The following TNRC6C variants were observed in gnomAD, a reference collection of about 807,000 sequenced individuals.
The protein encoded by TNRC6C is trinucleotide repeat-containing gene 6C protein.
In TNRC6C, 20 loss-of-function variants were observed where a neutral mutation model predicts 153.7. The observed-to-expected ratio is 0.13, with a 90% confidence interval of 0.09 to 0.19. The LOEUF (loss-of-function observed/expected upper bound fraction) is 0.19, where lower values mean the gene tolerates loss of function less well. Ranked by LOEUF, TNRC6C falls within the 10% of genes least tolerant of loss-of-function variation. The probability of loss-of-function intolerance (pLI) is 1.00; values close to 1 mark genes in which losing one functional copy is unlikely to be tolerated. For synonymous variants in TNRC6C, 811 were observed against 841.4 expected (o/e 0.96, Z 0.63); for missense variants, 1,987 against 2,172.0 (o/e 0.91, Z 1.69).
At chr17:78,077,127 T>C (rs970411684) in intron 8 of TNRC6C, 58 bp from the exon 11 acceptor site, 182 of 1,537,188 alleles carry the variant, frequency 1.2e-4, no homozygotes, top group Non-Finnish European at 1.6e-4. Flanking sequence ...GGAAACTGTT[T>C]GGTGCTTTGT....
intron 1 of TNRC6C, among the ~76,000 whole-genome samples, chr17:77,985,253 A>G (rs1303148351): frequency 6.6e-6 from 1 of 152,072 alleles, no homozygotes; most frequent in East Asian, 1.9e-4. Flanking sequence ...GGAGTTCTCA[A>G]TTCCTAGGCT....
rs58623832 is a variant in TNRC6C, at chr17:78,092,215, C to T, written c.3970+608C>T. Among the ~76,000 whole-genome samples the T allele has an allele frequency of 9.4e-3, 1,435 of 152,302 alleles. 24 individuals carry two copies. The highest frequency in any genetic ancestry group is 0.032 in the African/African-American group (1,331 of 41,552). On this transcript the variant is annotated intron_variant, in intron 14 of 19. Transcript: ENST00000301624. Reference sequence around the variant, plus strand: ...GAAATTCAGTAGGTTACGTAGTTCTCTCTTGATAGGAAGCATTCTAAAAAG... The same window carrying T: ...GAAATTCAGTAGGTTACGTAGTTCTTTCTTGATAGGAAGCATTCTAAAAAG...
chr17:78,031,267 A>G (rs2143718750), intron 1 of TNRC6C, among the ~76,000 whole-genome samples: 1 of 152,224 alleles, frequency 6.6e-6, no homozygotes, highest in Admixed American at 6.5e-5. Flanking sequence ...TCCAGTCTTA[A>G]TGTATCACCT....
chr17:78,069,490 C>T (rs1367804321), intron 5 of TNRC6C, among the ~76,000 whole-genome samples: 3 of 152,120 alleles, frequency 2.0e-5, no homozygotes, highest in Non-Finnish European at 4.4e-5. Flanking sequence ...CTCGAATTGT[C>T]CTCCTGCCTC....
At chr17:78,052,527 G>A (rs138882876) in intron 3 of TNRC6C, among the ~76,000 whole-genome samples, 1 of 152,356 alleles carries the variant, frequency 6.6e-6, no homozygotes, top group African/African-American at 2.4e-5. Flanking sequence ...CAGTGATGGT[G>A]CAGGGAGGAA....
In TNRC6C at chr17:78,081,379, T is replaced by A. The variant is rs557571165; in HGVS notation, c.3358-1668T>A. On this transcript the variant is annotated intron_variant, in intron 10 of 19. Coordinates refer to ENST00000301624, the Ensembl canonical transcript of TNRC6C. Reference sequence around the variant, plus strand: ...TGCATTGAGGGTAATTCTCGCTCTGTAATTGTTCAAACCCAGGTTTGTGCA... The same window carrying A: ...TGCATTGAGGGTAATTCTCGCTCTGAAATTGTTCAAACCCAGGTTTGTGCA... Among the ~76,000 whole-genome samples the A allele has an allele frequency of 1.8e-4, 27 of 152,310 alleles. No individual in the cohort carries two copies. In the East Asian group the frequency reaches 2.5e-3, roughly 14 times the overall value.
chr17:77,958,949 C>T (rs1340217745), upstream of TNRC6C, among the ~76,000 whole-genome samples: 8 of 146,080 alleles, frequency 5.5e-5, no homozygotes, highest in South Asian at 8.4e-4. Context: ...GCAGCTGCCA[C>T]CGCCGCCGCC....
chr17:78,108,567 AG>A (rs1567974982), exon 20 of TNRC6C: 2 of 155,140 alleles, frequency 1.3e-5, no homozygotes, highest in Admixed American at 1.3e-4. Context: ...GGCTTCATGG[AG>A]GAGGTGGCAT....
exon 20 of TNRC6C, chr17:78,106,066 A>C (rs545664130): frequency 6.6e-6 from 1 of 152,154 alleles, no homozygotes; most frequent in African/African-American, 2.4e-5. Context: ...AAAAAAAAAA[A>C]AAACTGTTGT....
At chr17:78,016,041 G>A (rs1479519177) in intron 1 of TNRC6C, among the ~76,000 whole-genome samples, 2 of 152,164 alleles carry the variant, frequency 1.3e-5, no homozygotes, top group African/African-American at 2.4e-5. Context: ...GACTGGGTGC[G>A]TATAAAATCA....
intron 1 of TNRC6C, among the ~76,000 whole-genome samples, chr17:77,961,971 G>A (rs2070866289): frequency 6.6e-6 from 1 of 152,150 alleles, no homozygotes; most frequent in African/African-American, 2.4e-5. Flanking sequence ...GCTGGAGTAG[G>A]ACAACCTTTC....
chr17:77,971,620 A>G (rs185792417), intron 1 of TNRC6C, among the ~76,000 whole-genome samples: 7 of 152,286 alleles, frequency 4.6e-5, no homozygotes, highest in Admixed American at 3.9e-4. Flanking sequence ...TCTGTCAAAC[A>G]TAGAACTAAT....
At chr17:78,045,165 A>G (rs959567623) in intron 2 of TNRC6C, among the ~76,000 whole-genome samples, 3 of 152,218 alleles carry the variant, frequency 2.0e-5, no homozygotes, top group African/African-American at 7.2e-5. Context: ...AGTAGGGGGC[A>G]TGGGAAGAGA....
intron 1 of TNRC6C, among the ~76,000 whole-genome samples, chr17:77,979,335 C>G (rs1430524992): frequency 2.0e-5 from 3 of 152,138 alleles, no homozygotes; most frequent in Non-Finnish European, 2.9e-5. Flanking sequence ...CCTTACAAAT[C>G]ATATGAATGT....
chr17:77,979,377 T>A (rs1193797222), intron 1 of TNRC6C, among the ~76,000 whole-genome samples: 1 of 152,172 alleles, frequency 6.6e-6, no homozygotes, highest in Non-Finnish European at 1.5e-5. Context: ...TGAAAGTATG[T>A]GTATCTGTTA....
At chr17:78,040,224 C>G (rs192861231) in intron 2 of TNRC6C, among the ~76,000 whole-genome samples, 18 of 152,292 alleles carry the variant, frequency 1.2e-4, no homozygotes, top group Admixed American at 1.2e-3. Flanking sequence ...ACAGTGATTT[C>G]CAGAGATTCC....
intron 2 of TNRC6C, among the ~76,000 whole-genome samples, chr17:78,048,004 A>G (rs1015794767): frequency 1.1e-4 from 17 of 152,228 alleles, no homozygotes; most frequent in Non-Finnish European, 5.9e-5. Context: ...TGGCATATAA[A>G]GTTATTCTAG....
chr17:78,090,678 G>A (rs778572480), intron 13 of TNRC6C, among the ~76,000 whole-genome samples: 2 of 152,104 alleles, frequency 1.3e-5, no homozygotes, highest in Non-Finnish European at 2.9e-5. Flanking sequence ...GCAGGTCCTG[G>A]ACAAATAACC....
upstream of TNRC6C, chr17:78,004,958 A>G (rs942683519): frequency 3.2e-6 from 3 of 937,054 alleles, no homozygotes; most frequent in African/African-American, 3.4e-5. Flanking sequence ...AAAATTTTCA[A>G]TACTAAAAGT....
Sources: gnomAD v4.1 joint callset for allele counts (sites outside exome capture counted in the v4.1 genomes callset) on GRCh38, gnomAD v4.1.1 for gene constraint, MANE v1.5 for transcripts, NCBI Gene and HGNC (gene_info 2026-07-23, HGNC 2026-07-21) for gene names.